The following ABCC4 variants were observed in gnomAD, a reference collection of about 807,000 sequenced individuals.
ABCC4 encodes ATP-binding cassette sub-family C member 4.
ABCC4 carries 102 observed loss-of-function variants against 168.5 expected under a neutral mutation model. The ratio of observed to expected loss-of-function variants is 0.61; its 90% CI spans 0.52 to 0.71. The LOEUF is 0.71. ABCC4 is among the 30% of genes least tolerant of loss of function. The pLI is 0.00. For missense variants in ABCC4, 1,402 were observed against 1,605.8 expected, an observed-to-expected ratio of 0.87 and a Z score of 2.17; for synonymous variants, 617 against 590.7, an observed-to-expected ratio of 1.04 and a Z score of -0.65.
chr13:95,249,718 T>A (rs1027232196), intron 1 of ABCC4, among the ~76,000 whole-genome samples: 1 of 152,090 alleles, frequency 6.6e-6, no homozygotes, highest in Non-Finnish European at 1.5e-5. Flanking sequence ...CAGCAGAACC[T>A]CATACAGTAT....
chr13:95,292,682 C>T (rs1413888228), intron 1 of ABCC4, among the ~76,000 whole-genome samples: 1 of 152,214 alleles, frequency 6.6e-6, no homozygotes, highest in East Asian at 1.9e-4. Flanking sequence ...TGCCCAGTAT[C>T]TGGAAGGGAT....
chr13:95,218,141 T>C (rs2039176614), intron 4 of ABCC4, among the ~76,000 whole-genome samples: 1 of 152,248 alleles, frequency 6.6e-6, no homozygotes. Context: ...TGTGAGGTAA[T>C]GAAACTTCCA....
chr13:95,157,079 G>A (rs2036885879), intron 19 of ABCC4, among the ~76,000 whole-genome samples: 1 of 133,808 alleles, frequency 7.5e-6, no homozygotes, highest in African/African-American at 3.2e-5. Context: ...GCGACAGAGT[G>A]AGACTCTACC....
rs908470936 is a variant in ABCC4, at chr13:95,039,890, C to T, written c.3735+3792G>A. 9.2e-5 allele frequency among the ~76,000 whole-genome samples: 14 copies of T among 152,310 alleles called. No homozygotes were observed. The Middle Eastern group carries it at 0.01, about 111-fold the overall frequency. On this transcript the variant is annotated intron_variant, in intron 29 of 30. Coordinates refer to ENST00000645237, the MANE Select transcript of ABCC4 (RefSeq NM_005845.5). The stretch of plus-strand genomic sequence containing the variant: ...AAAGAAAAGCTCGGAACAGCTTTCA[C>T]TATGGCAGCAAGCAATACAGAGAAA...
At chr13:95,178,602 G>A (rs987524015) in intron 11 of ABCC4, among the ~76,000 whole-genome samples, 20 of 152,340 alleles carry the variant, frequency 1.3e-4, no homozygotes, top group African/African-American at 2.4e-4. Flanking sequence ...TGCAGGAAGA[G>A]TGCTCCATAG....
At chr13:95,161,593 T>A (rs2037101699) in intron 18 of ABCC4, among the ~76,000 whole-genome samples, 2 of 152,200 alleles carry the variant, frequency 1.3e-5, no homozygotes, top group South Asian at 4.1e-4. Context: ...AGGCTCTAAT[T>A]CAATTGCAAG....
At chr13:95,075,768 G>T in intron 21 of ABCC4, 2 of 464,406 alleles carry the variant, frequency 4.3e-6, no homozygotes, top group East Asian at 3.4e-5. Flanking sequence ...TAAGGGGCCT[G>T]GAAATAAACG....
chr13:95,062,800 T>A lies in ABCC4; in HGVS notation c.3270A>T (p.Arg1090Ser). 6.2e-7 allele frequency: 1 copy of A among 1,613,264 alleles called. No individual in the cohort carries two copies. The highest frequency in any genetic ancestry group is 8.5e-7 in the Non-Finnish European group (1 of 1,179,890). Residue 1090 changes from arginine to serine, a missense_variant, in exon 26 of 31, where the codon AGA (arginine) becomes AGT (serine). Around this residue, in one of 3 missense-constraint regions of ABCC4, gnomAD observed 1,007 missense variants for 1,127.3 expected, o/e 0.89. Transcript: ENST00000645237. ...GKSSLISALF[R>S]LSEPEGKIWI... ...AAATTTTACCTTCGGGTTCTGACAA[T>A]CTAAAAAGGGCTGAGATGAGGGAAC... is the stretch of plus-strand genomic sequence containing the variant.
chr13:95,201,497 C>T (rs1313791271), intron 8 of ABCC4, among the ~76,000 whole-genome samples: 1 of 152,132 alleles, frequency 6.6e-6, no homozygotes, highest in East Asian at 1.9e-4. Flanking sequence ...ACTTCACTTA[C>T]ACATCTTCTG....
At chr13:95,025,213 CCACACACCCCCACA>C (rs2031374169) in intron 30 of ABCC4, among the ~76,000 whole-genome samples, 2 of 55,734 alleles carry the variant, frequency 3.6e-5, no homozygotes, top group African/African-American at 7.7e-5. Context: ...CCCACACCCC[CCACACACCCCCACA>C]CACACCCATA....
At chr13:95,224,522 A>G (rs1405693855) in intron 4 of ABCC4, among the ~76,000 whole-genome samples, 2 of 152,188 alleles carry the variant, frequency 1.3e-5, no homozygotes, top group Non-Finnish European at 2.9e-5. Context: ...AGATCACTTG[A>G]GGTCAGGAGT....
chr13:95,260,201 T>C (rs1420232480), intron 1 of ABCC4, among the ~76,000 whole-genome samples: 1 of 152,194 alleles, frequency 6.6e-6, no homozygotes, highest in Non-Finnish European at 1.5e-5. Flanking sequence ...GTCTGACATA[T>C]ACGCCAATAC....
chr13:95,171,572 G>GA (rs34905884), intron 13 of ABCC4, among the ~76,000 whole-genome samples: 39,269 of 134,018 alleles, frequency 0.29, 5,467 homozygotes, highest in East Asian at 0.46. Flanking sequence ...AAAAAAAGGA[G>GA]AAAAAAAAAA....
At chr13:95,298,827 T>C (rs1196674807) in intron 1 of ABCC4, among the ~76,000 whole-genome samples, 1 of 152,148 alleles carries the variant, frequency 6.6e-6, no homozygotes, top group Non-Finnish European at 1.5e-5. Flanking sequence ...TCAGCTTAAG[T>C]GTCCTCGGAG....
intron 1 of ABCC4, among the ~76,000 whole-genome samples, chr13:95,264,300 C>A (rs772834700): frequency 2.0e-5 from 3 of 152,082 alleles, no homozygotes; most frequent in Non-Finnish European, 4.4e-5. Context: ...TATTGAAAAG[C>A]CATCCACGGT....
intron 13 of ABCC4, among the ~76,000 whole-genome samples, chr13:95,173,395 G>A (rs927256123): frequency 6.6e-6 from 1 of 152,268 alleles, no homozygotes; most frequent in Non-Finnish European, 1.5e-5. Context: ...GGAAGACAGA[G>A]AAAGCGCCAT....
At chr13:95,285,799 GGAGAGTA>G (rs1449543852) in intron 1 of ABCC4, among the ~76,000 whole-genome samples, 2 of 152,150 alleles carry the variant, frequency 1.3e-5, no homozygotes, top group African/African-American at 4.8e-5. Flanking sequence ...ACCAGGAAAA[GGAGAGTA>G]TTAAATGCCA....
At chr13:95,271,430 G>C (rs980416381) in intron 1 of ABCC4, among the ~76,000 whole-genome samples, 1 of 152,176 alleles carries the variant, frequency 6.6e-6, no homozygotes, top group Non-Finnish European at 1.5e-5. Flanking sequence ...TTGGTTCGCA[G>C]AGGTCCCCGT....
chr13:95,140,807 G>A (rs1270501962), intron 19 of ABCC4, among the ~76,000 whole-genome samples: 7 of 152,036 alleles, frequency 4.6e-5, no homozygotes, highest in African/African-American at 9.7e-5. Flanking sequence ...TATTCTGCCC[G>A]ACATTTTCCA....
Sources: gnomAD v4.1 joint callset for allele counts (sites outside exome capture counted in the v4.1 genomes callset) on GRCh38, gnomAD v4.1.1 for gene constraint, gnomAD v4.1.1 regional missense constraint, MANE v1.5 for transcripts, NCBI Gene and HGNC (gene_info 2026-07-23, HGNC 2026-07-21) for gene names.